The following PRKAR1A variants were observed in gnomAD, a reference collection of about 807,000 sequenced individuals.
PRKAR1A encodes protein kinase cAMP-dependent type I regulatory subunit alpha, also known as cAMP-dependent protein kinase type I-alpha regulatory subunit.
In PRKAR1A, 3 loss-of-function variants were observed where a neutral mutation model predicts 52.0. The ratio of observed to expected loss-of-function variants is 0.06; its 90% confidence interval spans 0.03 to 0.15. The LOEUF is 0.15. PRKAR1A is among the 10% of genes least tolerant of loss of function. The probability of loss-of-function intolerance (pLI) is 1.00; values close to 1 mark genes in which losing one functional copy is unlikely to be tolerated. For missense variants in PRKAR1A, 240 were observed against 477.4 expected (o/e 0.50, Z 4.63); for synonymous variants, 188 against 168.4 (o/e 1.12, Z -0.90).
At chr17:68,511,986 G>A (rs1207973591), upstream of PRKAR1A, 3 of 152,816 alleles carry the variant, frequency 2.0e-5, no homozygotes, top group East Asian at 3.9e-4. Flanking sequence ...GGGTGGAAAG[G>A]AGGGAGAAAA....
intron 10 of PRKAR1A, 76 bp from the exon 11 acceptor site, chr17:68,530,201 C>G: frequency 6.4e-7 from 1 of 1,563,794 alleles, no homozygotes; most frequent in South Asian, 1.1e-5. Flanking sequence ...CTATTGTCTT[C>G]TTTCTCAGAA....
At chr17:68,541,713 C>A in intron 11 of PRKAR1A, 1 of 382,142 alleles carries the variant, frequency 2.6e-6, no homozygotes, top group Non-Finnish European at 4.8e-6. Context: ...CCCCACTAGA[C>A]CAAGGAGCTT....
Position 68,515,424 on chromosome 17 carries a change from A to G in PRKAR1A, c.25A>G (p.Ser9Gly), listed in dbSNP as rs778468626. The G allele has an allele frequency of 2.5e-6, 4 of 1,613,470 alleles. No homozygotes were observed. The highest frequency in any genetic ancestry group is 1.8e-4 in the Middle Eastern group (1 of 5,492). MESGSTAA[S>G]EEARSLRECE... Reference sequence around the variant, plus strand: ...CATGGAGTCTGGCAGTACCGCCGCCAGTGAGGAGGCACGCAGCCTTCGAGA... The same window carrying G: ...CATGGAGTCTGGCAGTACCGCCGCCGGTGAGGAGGCACGCAGCCTTCGAGA... The change falls in exon 2 of 11, where the codon AGT becomes GGT. Residue 9 changes from serine to glycine, a missense_variant. Coordinates refer to ENST00000589228, the MANE Select transcript of PRKAR1A (RefSeq NM_002734.5).
At chr17:68,466,552 C>G in the PRKAR1A span, among the ~76,000 whole-genome samples, 1 of 151,360 alleles carries the variant, frequency 6.6e-6, no homozygotes, top group East Asian at 2.0e-4. Context: ...GCTGGGACTA[C>G]AGACACCTGC....
chr17:68,518,264 C>T (rs1468407745), intron 2 of PRKAR1A, among the ~76,000 whole-genome samples: 2 of 152,222 alleles, frequency 1.3e-5, no homozygotes, highest in Non-Finnish European at 2.9e-5. Flanking sequence ...GGCAGTGCTG[C>T]AGTGGGGACT....
chr17:68,443,400 A>G, the PRKAR1A span, among the ~76,000 whole-genome samples: 4 of 152,220 alleles, frequency 2.6e-5, no homozygotes, highest in Non-Finnish European at 5.9e-5. Flanking sequence ...GGTGTGAGCC[A>G]CCGCACCCGG....
At chr17:68,541,426 T>C (rs1349861351) in intron 11 of PRKAR1A, 1 of 214,178 alleles carries the variant, frequency 4.7e-6, no homozygotes, top group Non-Finnish European at 9.6e-6. Context: ...CAGAGTCCCT[T>C]AGGATCTGTC....
At chr17:68,424,973 T>C in the PRKAR1A span, among the ~76,000 whole-genome samples, 5 of 152,214 alleles carry the variant, frequency 3.3e-5, no homozygotes, top group South Asian at 6.2e-4. Flanking sequence ...GCGGTCTATA[T>C]GTTACTCCAG....
the PRKAR1A span, chr17:68,427,497 C>T: frequency 6.5e-6 from 2 of 307,322 alleles, no homozygotes; most frequent in South Asian, 3.9e-5. Flanking sequence ...GCTGCGACTA[C>T]AGGCACCCAC....
chr17:68,438,890 G>A, the PRKAR1A span, among the ~76,000 whole-genome samples: 17 of 152,302 alleles, frequency 1.1e-4, 1 homozygote, highest in East Asian at 3.3e-3. Flanking sequence ...GTGAGCCATC[G>A]TGCCTGGCCT....
Position 68,524,893 on chromosome 17 carries a change from CT to C in PRKAR1A, c.503-13del, listed in dbSNP as rs138285568. 1.9e-6 allele frequency: 3 copies of C among 1,591,248 alleles called. No individual in the cohort carries two copies. Among genetic ancestry groups the C allele is most frequent in the Non-Finnish European group, 1.7e-6 (2 of 1,159,660 alleles). On this transcript the variant is annotated intron_variant, in intron 5 of 10. Coordinates refer to ENST00000589228, the MANE Select transcript of PRKAR1A (RefSeq NM_002734.5). ...TCTTTAATTTGGAATATGCTTCTAACTTTTTTACCCTCTTTTAGGTGATGAA... is the reference window on the plus strand; with the variant it reads ...TCTTTAATTTGGAATATGCTTCTAACTTTTTACCCTCTTTTAGGTGATGAA...
chr17:68,542,282 GAGAA>G (rs2143501453), intron 11 of PRKAR1A: 2 of 1,101,984 alleles, frequency 1.8e-6, no homozygotes, highest in South Asian at 2.8e-5. Context: ...AGCTCGGGAA[GAGAA>G]AGAAGAAGAA....
At chr17:68,498,194 C>G in the PRKAR1A span, among the ~76,000 whole-genome samples, 7 of 152,218 alleles carry the variant, frequency 4.6e-5, no homozygotes, top group South Asian at 4.1e-4. Flanking sequence ...CTCTCCGTAA[C>G]GACCATGTAA....
downstream of PRKAR1A, chr17:68,536,216 T>C (rs1385730309): frequency 2.2e-6 from 1 of 454,144 alleles, no homozygotes; most frequent in East Asian, 6.9e-5. Context: ...CCTTGTACTC[T>C]CTTTAGTGAC....
At chr17:68,417,733 A>ATTTTTTTTTTTTTTT in the PRKAR1A span, among the ~76,000 whole-genome samples, 2 of 60,832 alleles carry the variant, frequency 3.3e-5, no homozygotes, top group African/African-American at 6.2e-5. Context: ...GAGTTGCTGA[A>ATTTTTTTTTTTTTTT]TTTTTTTTTT....
chr17:68,530,406 G>A lies in PRKAR1A; in HGVS notation c.1103G>A (p.Arg368Gln), dbSNP rs2085941441. The A allele has an allele frequency of 1.9e-6, 3 of 1,613,956 alleles. No homozygotes were observed. The highest frequency in any genetic ancestry group is 1.7e-6 in the Non-Finnish European group (2 of 1,179,984). The change falls in exon 11 of 11, where the codon CGA (arginine) becomes CAA (glutamine). Residue 368 changes from arginine to glutamine, a missense_variant. By Grantham distance (43) the Arg-to-Gln change is conservative. Coordinates refer to ENST00000589228, the MANE Select transcript of PRKAR1A (RefSeq NM_002734.5). The stretch of plus-strand genomic sequence containing the variant: ...GGCCCATGCTCAGACATCCTCAAAC[G>A]AAACATCCAGCAGTACAACAGTTTT... ...VLGPCSDILK[R>Q]NIQQYNSFVS... is the part of the protein sequence containing the mutation.
At chr17:68,426,251 G>GGGGC in the PRKAR1A span, 2 of 825,458 alleles carry the variant, frequency 2.4e-6, no homozygotes, top group South Asian at 1.3e-5. Flanking sequence ...GTGGGGAGCG[G>GGGGC]GGGCTCAAAT....
At chr17:68,428,922 G>A in the PRKAR1A span, 1 of 1,613,822 alleles carries the variant, frequency 6.2e-7, no homozygotes, top group South Asian at 1.1e-5. Context: ...TAGCAGCCGT[G>A]GCAACTTCTG....
At chr17:68,423,612 C>T in the PRKAR1A span, among the ~76,000 whole-genome samples, 1 of 152,236 alleles carries the variant, frequency 6.6e-6, no homozygotes, top group East Asian at 1.9e-4. This position sits in a 1 kb window ranked among gnomAD's most constrained non-coding sequence, Gnocchi z 4.4. Context: ...CCAACTTTCA[C>T]TCATTTGGTC....
Sources: allele counts gnomAD v4.1 joint callset (sites outside exome capture counted in the v4.1 genomes callset), GRCh38; gene constraint gnomAD v4.1.1; non-coding constraint Gnocchi (gnomAD v3.1); transcripts MANE v1.5; gene names NCBI Gene and HGNC (gene_info 2026-07-23, HGNC 2026-07-21).